Variants in TPD52L1 observed in about 807,000 individuals in gnomAD.
The protein encoded by TPD52L1 is tumor protein D53.
Under a neutral mutation model 28.7 loss-of-function variants are expected in TPD52L1, and 18 were observed. The observed-to-expected ratio is 0.63, with a 90% CI of 0.43 to 0.93. TPD52L1 has a LOEUF of 0.93. TPD52L1 is among the 40% of genes least tolerant of loss of function. The pLI, the probability that TPD52L1 is intolerant of heterozygous loss-of-function variation, is 0.00. For missense variants in TPD52L1, 203 were observed against 254.8 expected (o/e 0.80, Z 1.39); for synonymous variants, 75 against 88.8 (o/e 0.84, Z 0.88).
chr6:125,229,877 G>A (rs953868919), intron 3 of TPD52L1, among the ~76,000 whole-genome samples: 13 of 152,072 alleles, frequency 8.5e-5, no homozygotes, highest in African/African-American at 3.1e-4. Context: ...ACAAGGTCAG[G>A]AGATCAAGAC....
In TPD52L1 at chr6:125,195,533, G is replaced by T. The variant is rs117232518; in HGVS notation, c.20-24545G>T. Among the ~76,000 whole-genome samples the T allele has an allele frequency of 1.4e-3, 216 of 152,130 alleles. 2 individuals are homozygous for T. The East Asian group carries it at 0.022, about 16-fold the overall frequency. ...ATATAAAATGAGTAAATTTTTGAGT[G>T]GTATAAGATTAAGTAAATTTTAGAT... On this transcript the variant is annotated intron_variant, in intron 1 of 6. Transcript: ENST00000534000.
chr6:125,197,606 A>G (rs902727051), intron 1 of TPD52L1, among the ~76,000 whole-genome samples: 3 of 152,190 alleles, frequency 2.0e-5, no homozygotes, highest in African/African-American at 4.8e-5. Context: ...AAGAACAGTC[A>G]GAAGGATTTT....
chr6:125,178,350 T>C (rs1582868368), intron 1 of TPD52L1, among the ~76,000 whole-genome samples: 2 of 152,248 alleles, frequency 1.3e-5, no homozygotes, highest in South Asian at 4.1e-4. Flanking sequence ...AGGCCAGGTG[T>C]GGTGGCTCAT....
rs1415860889 is a variant in TPD52L1 at position 125,246,936 on chromosome 6, A to C, written c.285-1346A>C. Among the ~76,000 whole-genome samples, 3 of 152,224 alleles carry C rather than the reference A, an allele frequency of 2.0e-5. No individual in the cohort carries two copies. The East Asian group carries it at 5.8e-4, about 29-fold the overall frequency. On this transcript the variant is annotated intron_variant, in intron 3 of 6. Coordinates refer to ENST00000534000, the MANE Select transcript of TPD52L1 (RefSeq NM_003287.4). ...TGTATGTTTTTATACTTCCTAAAAA[A>C]ACATTGTGTTAATAAATAACATATA...
At chr6:125,233,167 G>A (rs146665839) in intron 3 of TPD52L1, among the ~76,000 whole-genome samples, 75 of 152,228 alleles carry the variant, frequency 4.9e-4, no homozygotes, top group Non-Finnish European at 8.7e-4. Flanking sequence ...ATGGTAAGTC[G>A]ACAGAGGGCA....
chr6:125,194,361 T>C (rs1365895055), intron 1 of TPD52L1, among the ~76,000 whole-genome samples: 1 of 152,154 alleles, frequency 6.6e-6, no homozygotes, highest in East Asian at 1.9e-4. Flanking sequence ...ATTCATGAAA[T>C]ACATCGCAGC....
intron 3 of TPD52L1, among the ~76,000 whole-genome samples, chr6:125,247,967 T>G (rs1325186571): frequency 1.3e-5 from 2 of 152,262 alleles, no homozygotes; most frequent in Non-Finnish European, 2.9e-5. Context: ...GTTTTAGAAC[T>G]AATACACTTC....
chr6:125,242,924 T>C (rs1796699788), intron 3 of TPD52L1, among the ~76,000 whole-genome samples: 1 of 152,190 alleles, frequency 6.6e-6, no homozygotes, highest in Admixed American at 6.5e-5. Flanking sequence ...AGTTCTATTT[T>C]GGTGTATTTC....
chr6:125,245,461 T>C (rs989609697), intron 3 of TPD52L1, among the ~76,000 whole-genome samples: 2 of 152,148 alleles, frequency 1.3e-5, no homozygotes, highest in South Asian at 4.1e-4. Flanking sequence ...GGTGGGTCCA[T>C]AAAGCTCTCA....
At chr6:125,196,913 A>C (rs1490736632) in intron 1 of TPD52L1, among the ~76,000 whole-genome samples, 2 of 152,226 alleles carry the variant, frequency 1.3e-5, no homozygotes, top group Non-Finnish European at 2.9e-5. Context: ...TCATATTCCT[A>C]GATCATTAGG....
intron 3 of TPD52L1, among the ~76,000 whole-genome samples, chr6:125,247,865 G>A (rs1161783884): frequency 1.3e-5 from 2 of 152,164 alleles, no homozygotes; most frequent in Non-Finnish European, 2.9e-5. Context: ...CAAATTAACA[G>A]TGTAAGCTTA....
intron 1 of TPD52L1, among the ~76,000 whole-genome samples, chr6:125,161,790 C>A (rs112416252): frequency 0.017 from 2,548 of 152,026 alleles, 77 homozygotes; most frequent in African/African-American, 0.059. Context: ...TCACCATAAC[C>A]GATTTAATAA....
chr6:125,164,138 T>C (rs1790724751), intron 1 of TPD52L1, among the ~76,000 whole-genome samples: 1 of 152,204 alleles, frequency 6.6e-6, no homozygotes, highest in African/African-American at 2.4e-5. Flanking sequence ...GTACTTTGTA[T>C]GCACAAGCAG....
rs911192203 is a variant in TPD52L1 at position 125,264,350 on chromosome 6, A to G, written c.*1388A>G. On this transcript the variant is annotated 3_prime_UTR_variant, in exon 7 of 7. Coordinates refer to ENST00000534000, the MANE Select transcript of TPD52L1 (RefSeq NM_003287.4). ...ATTGTTCATGTTTTGTGTTTATTAAATAGAAGTGATATATATGACATTTTG... is the reference window on the plus strand; with the variant it reads ...ATTGTTCATGTTTTGTGTTTATTAAGTAGAAGTGATATATATGACATTTTG... The G allele has an allele frequency of 1.3e-5, 2 of 152,224 alleles. No individual in the cohort carries two copies. The highest frequency in any genetic ancestry group is 2.9e-5 in the Non-Finnish European group (2 of 68,048). 9.4% of individuals were successfully genotyped at this position (152,224 alleles called of 1,614,324 possible).
chr6:125,198,719 CTG>C (rs916041719), intron 1 of TPD52L1, among the ~76,000 whole-genome samples: 2 of 152,218 alleles, frequency 1.3e-5, no homozygotes, highest in African/African-American at 4.8e-5. Flanking sequence ...GCAGCTGTCT[CTG>C]TGTCTGTTGA....
At chr6:125,240,557 T>C (rs1297790334) in intron 3 of TPD52L1, among the ~76,000 whole-genome samples, 1 of 152,190 alleles carries the variant, frequency 6.6e-6, no homozygotes, top group East Asian at 1.9e-4. Context: ...AGTATATTCC[T>C]AAGTATTTTA....
At chr6:125,256,591 T>C (rs529568503) in intron 5 of TPD52L1, among the ~76,000 whole-genome samples, 3 of 152,174 alleles carry the variant, frequency 2.0e-5, no homozygotes, top group Non-Finnish European at 4.4e-5. Context: ...TATATGAACA[T>C]TTTTTTCCTT....
At chr6:125,166,901 T>C (rs931603290) in intron 1 of TPD52L1, among the ~76,000 whole-genome samples, 1 of 152,102 alleles carries the variant, frequency 6.6e-6, no homozygotes, top group Non-Finnish European at 1.5e-5. Context: ...CTGAGTTCTT[T>C]TGGGAACCTC....
chr6:125,218,827 G>T (rs1795046222), intron 1 of TPD52L1, among the ~76,000 whole-genome samples: 1 of 152,126 alleles, frequency 6.6e-6, no homozygotes, highest in Non-Finnish European at 1.5e-5. Context: ...AGCTAAAAAC[G>T]GGTCCTTGTC....
Sources: allele counts gnomAD v4.1 joint callset (sites outside exome capture counted in the v4.1 genomes callset), GRCh38; gene constraint gnomAD v4.1.1; transcripts MANE v1.5; gene names NCBI Gene and HGNC (gene_info 2026-07-23, HGNC 2026-07-21).